Variants in NUDT17 observed in about 807,000 individuals in gnomAD.
The protein encoded by NUDT17 is nudix hydrolase 17, also known as m7GpppN-mRNA hydrolase NUDT17.
Under a neutral mutation model 38.6 loss-of-function variants are expected in NUDT17, and 38 were observed. The observed-to-expected ratio is 0.98, with a 90% CI of 0.76 to 1.29. The LOEUF (loss-of-function observed/expected upper bound fraction) is 1.29, where lower values mean the gene tolerates loss of function less well. Ranked by LOEUF, NUDT17 falls within the 50% of genes most tolerant of loss-of-function variation. The pLI, the probability that NUDT17 is intolerant of heterozygous loss-of-function variation, is 0.00. For missense variants in NUDT17, 462 were observed against 415.2 expected (o/e 1.11, Z -0.98); for synonymous variants, 192 against 167.8 (o/e 1.14, Z -1.11).
chr1:145,846,469 A>G lies in NUDT17; in HGVS notation c.402+11A>G, dbSNP rs1553732520. The G allele has an allele frequency of 6.2e-7, 1 of 1,613,030 alleles. No homozygotes were observed. Among genetic ancestry groups the G allele is most frequent in the Admixed American group, 1.7e-5 (1 of 59,986 alleles). On this transcript the variant is annotated intron_variant, in intron 3 of 7. Transcript: ENST00000334513. ...GAACTTGAGGAGGAGGTAACCAGTC[A>G]GCTGATCCAACCTGAGCCAAGAGAC...
Position 145,845,845 on chromosome 1 carries a change from G to C in NUDT17, c.192+13G>C, listed in dbSNP as rs1553732193. On this transcript the variant is annotated intron_variant, in intron 1 of 7. Coordinates refer to ENST00000334513, the MANE Select transcript of NUDT17 (RefSeq NM_001012758.3). ...GCTTCCGCTCCAGGTCGGCAGAAGGGGGCCCCAGAGCGGGGGCAGTGAAGG... is the reference window on the plus strand; with the variant it reads ...GCTTCCGCTCCAGGTCGGCAGAAGGCGGCCCCAGAGCGGGGGCAGTGAAGG... The C allele has an allele frequency of 6.3e-7, 1 of 1,578,988 alleles. No individual in the cohort carries two copies. Among genetic ancestry groups the C allele is most frequent in the Non-Finnish European group, 8.6e-7 (1 of 1,162,428 alleles).
chr1:145,847,509 G>A (rs940347389), intron 5 of NUDT17, 74 bp from the exon 6 acceptor site: 12 of 1,579,676 alleles, frequency 7.6e-6, no homozygotes, highest in Non-Finnish European at 9.5e-6. Context: ...CATGAAACCT[G>A]CGGGTAGGTT....
rs781999110 is a variant in NUDT17, at chr1:145,847,715, G to A, written c.727G>A (p.Val243Ile). Residue 243 changes from valine (V) to isoleucine (I), a missense_variant, in exon 6 of 8, where the codon GTC becomes ATC. Coordinates refer to ENST00000334513, the MANE Select transcript of NUDT17 (RefSeq NM_001012758.3). Reference sequence around the variant, plus strand: ...TCTCCCCCAGGACCTACCACCCTCTGTCCTGTAAGTAAGAGCTTCTCCCTC... The same window carrying A: ...TCTCCCCCAGGACCTACCACCCTCTATCCTGTAAGTAAGAGCTTCTCCCTC... ...GLLPQDLPPSVLAVELEEDGR... is the reference protein window; with the variant it reads ...GLLPQDLPPSILAVELEEDGR... 3.7e-6 allele frequency: 6 copies of A among 1,613,982 alleles called. No individual in the cohort carries two copies. Among genetic ancestry groups the A allele is most frequent in the Non-Finnish European group, 5.1e-6 (6 of 1,179,994 alleles).
At position 145,845,678 on chromosome 1, in the gene NUDT17, G is replaced by C; in HGVS notation, c.38G>C (p.Arg13Pro). The C allele has an allele frequency of 1.3e-6, 2 of 1,536,318 alleles. No individual in the cohort carries two copies. Among genetic ancestry groups the C allele is most frequent in the Non-Finnish European group, 1.8e-6 (2 of 1,135,948 alleles). The change falls in exon 1 of 8, where the codon CGT becomes CCT. Residue 13 changes from arginine (R) to proline (P), a missense_variant. Coordinates refer to ENST00000334513, the MANE Select transcript of NUDT17 (RefSeq NM_001012758.3). ...CGGGTGCAGCTGCTCCTGTCCCGGC[G>C]TCCGGAGTCGGTGAGCTTCGCACGG... ...EVRVQLLLSR[R>P]PESVSFARSV...
chr1:145,847,349 G>A lies in NUDT17; in HGVS notation c.594+1G>A, dbSNP rs1257828569. The A allele has an allele frequency of 4.4e-6, 7 of 1,577,050 alleles. No individual in the cohort carries two copies. In the Middle Eastern group the frequency reaches 6.8e-4, roughly 154 times the overall value. ...CCAGGAATCACAGCAGCAGTTGCAG[G>A]TAGGGCTGGCAGTGAGGGAAGGAAA... On this transcript the variant is annotated splice_donor_variant, in intron 5 of 7. Transcript: ENST00000334513. LOFTEE classifies it high-confidence loss of function.
chr1:145,847,012 C>T (rs1039195761), intron 4 of NUDT17, among the ~76,000 whole-genome samples: 24 of 152,102 alleles, frequency 1.6e-4, no homozygotes, highest in Non-Finnish European at 2.9e-5. Context: ...GACAACATGG[C>T]GAAACCCCGT....
intron 6 of NUDT17, 122 bp from the exon 7 acceptor site, chr1:145,847,990 T>C: frequency 8.6e-7 from 1 of 1,161,712 alleles, no homozygotes; most frequent in South Asian, 1.4e-5. Flanking sequence ...GTTTCCTTTC[T>C]GCAAATGAGG....
At position 145,847,412 on chromosome 1, in the gene NUDT17, G is replaced by A. The variant is rs587697691; in HGVS notation, c.594+64G>A. The A allele has an allele frequency of 1.6e-4, 182 of 1,107,480 alleles. 1 individual carries two copies. The African/African-American group carries it at 2.4e-3, about 14-fold the overall frequency. 68.6% of individuals were successfully genotyped at this position (1,107,480 alleles called of 1,614,324 possible). A position where few individuals can be genotyped will look rare whatever the true frequency, so the allele number is the denominator to read the frequency against. ...GAGCCCAAGCAACCTGGTTCTGACTGTGATTAGGAGCTGGGCGGGGGTGGC... is the reference window on the plus strand; with the variant it reads ...GAGCCCAAGCAACCTGGTTCTGACTATGATTAGGAGCTGGGCGGGGGTGGC... On this transcript the variant is annotated intron_variant, in intron 5 of 7. Transcript: ENST00000334513.
chr1:145,847,209 AGTG>A, intron 4 of NUDT17, 38 bp from the exon 5 acceptor site: 1 of 1,172,128 alleles, frequency 8.5e-7, no homozygotes. Flanking sequence ...AAAAAAAAAA[AGTG>A]ACGGAAAGTT....
chr1:145,847,355 C>G lies in NUDT17; in HGVS notation c.594+7C>G, dbSNP rs782640952. On this transcript the variant is annotated splice_region_variant and intron_variant, in intron 5 of 7. Transcript: ENST00000334513. ...ATCACAGCAGCAGTTGCAGGTAGGG[C>G]TGGCAGTGAGGGAAGGAAACAGGGC... The G allele has an allele frequency of 6.4e-7, 1 of 1,561,932 alleles. No homozygotes were observed. Among genetic ancestry groups the G allele is most frequent in the South Asian group, 1.1e-5 (1 of 89,058 alleles).
intron 7 of NUDT17, 39 bp downstream of exon 7, chr1:145,848,303 G>A (rs1652811751): frequency 1.2e-6 from 2 of 1,613,394 alleles, no homozygotes; most frequent in South Asian, 1.1e-5. Flanking sequence ...CACAGTACTG[G>A]GCTGGAATGG....
Position 145,846,676 on chromosome 1 carries a change from C to G in NUDT17, c.481C>G (p.Leu161Val), listed in dbSNP as rs1652703154. ...CCAGGGCCAGTTCTCTTGGGTCCCT[C>G]TGGGTTTATGGGAGGTGAGACAAGT... The part of the protein sequence containing the change: ...LPQGQFSWVP[L>V]GLWESAYPPR... Residue 161 changes from leucine (L) to valine (V), a missense_variant, in exon 4 of 8, where the codon CTG (leucine) becomes GTG (valine). Coordinates refer to ENST00000334513, the MANE Select transcript of NUDT17 (RefSeq NM_001012758.3). 2 of 1,612,882 alleles carry G rather than the reference C, an allele frequency of 1.2e-6. No individual in the cohort carries two copies. The highest frequency in any genetic ancestry group is 1.3e-5 in the African/African-American group (1 of 74,898).
chr1:145,846,534 G>A, intron 3 of NUDT17, 64 bp from the exon 4 acceptor site: 1 of 1,601,164 alleles, frequency 6.2e-7, no homozygotes, highest in Non-Finnish European at 8.6e-7. Context: ...TGAGGGAGAG[G>A]CAAGCAAAAG....
intron 4 of NUDT17, 27 bp from the exon 5 acceptor site, chr1:145,847,223 C>A: frequency 7.9e-7 from 1 of 1,266,752 alleles, no homozygotes; most frequent in Non-Finnish European, 1.1e-6. Context: ...ACGGAAAGTT[C>A]TCACTTTTGC....
rs782818895 is a variant in NUDT17, at chr1:145,846,025, T to G, written c.205T>G (p.Cys69Gly). The G allele has an allele frequency of 1.6e-5, 26 of 1,602,576 alleles. No homozygotes were observed. In the South Asian group the frequency reaches 2.7e-4, roughly 17 times the overall value. ...TTCCTTCTGCCAGCGACCCCCTTTCTGCCCTTTTGCGGCCCTGGAGGAGCG... is the reference window on the plus strand; with the variant it reads ...TTCCTTCTGCCAGCGACCCCCTTTCGGCCCTTTTGCGGCCCTGGAGGAGCG... ...ARLPLQRPPFCPFAALEERPR... is the reference protein window; with the variant it reads ...ARLPLQRPPFGPFAALEERPR... The change falls in exon 2 of 8, where the codon TGC becomes GGC. Residue 69 changes from cysteine to glycine, a missense_variant. Cys to Gly is a radical substitution (Grantham distance 159). Coordinates refer to ENST00000334513, the MANE Select transcript of NUDT17 (RefSeq NM_001012758.3).
chr1:145,845,929 C>T (rs1652631253), intron 1 of NUDT17, 84 bp from the exon 2 acceptor site: 1 of 1,525,024 alleles, frequency 6.6e-7, no homozygotes, highest in Non-Finnish European at 8.9e-7. Context: ...GCCCCCAACG[C>T]GCGGTGTAGC....
At position 145,845,711 on chromosome 1, in the gene NUDT17, G is replaced by A; in HGVS notation, c.71G>A (p.Cys24Tyr). The change falls in exon 1 of 8, where the codon TGT becomes TAT. Residue 24 changes from cysteine to tyrosine, a missense_variant. Coordinates refer to ENST00000334513, the MANE Select transcript of NUDT17 (RefSeq NM_001012758.3). Reference sequence around the variant, plus strand: ...TCGGTGAGCTTCGCACGGAGTGTGTGTGGCCTCCTGGGAGCCGGACCAGGG... The same window carrying A: ...TCGGTGAGCTTCGCACGGAGTGTGTATGGCCTCCTGGGAGCCGGACCAGGG... ...PESVSFARSV[C>Y]GLLGAGPGLG... 1 of 1,553,734 alleles carries A rather than the reference G, an allele frequency of 6.4e-7. No individual in the cohort carries two copies. Among genetic ancestry groups the A allele is most frequent in the African/African-American group, 1.4e-5 (1 of 73,416 alleles).
rs976320838 is a variant in NUDT17 at position 145,846,775 on chromosome 1, G to A, written c.495+85G>A. 71 of 931,932 alleles carry A rather than the reference G, an allele frequency of 7.6e-5. 4 individuals carry two copies. In the South Asian group the frequency reaches 9.5e-4, roughly 12 times the overall value. The allele number at this position is 931,932 out of a possible 1,614,324, so 57.7% of individuals were successfully genotyped here. A position where few individuals can be genotyped will look rare whatever the true frequency, so the allele number is the denominator to read the frequency against. ...AAGGGAAACAATAGCACATAAGTGGGCTGGAATCCCCAAATCCATAACCCT... is the reference window on the plus strand; with the variant it reads ...AAGGGAAACAATAGCACATAAGTGGACTGGAATCCCCAAATCCATAACCCT... On this transcript the variant is annotated intron_variant, in intron 4 of 7. Coordinates refer to ENST00000334513, the MANE Select transcript of NUDT17 (RefSeq NM_001012758.3).
rs1553733280 is a variant in NUDT17, at chr1:145,848,418, G to C, written c.926G>C (p.Gly309Ala). 2 of 1,614,102 alleles carry C rather than the reference G, an allele frequency of 1.2e-6. No individual in the cohort carries two copies. Among genetic ancestry groups the C allele is most frequent in the Admixed American group, 1.7e-5 (1 of 60,012 alleles). The stretch of plus-strand genomic sequence containing the variant: ...AAAAGTGCAGCTTACCTGGACCCAG[G>C]GCCAGCAAAGGAAGAATGGAACATG... ...PCKSAAYLDP[G>A]PAKEEWNMDP... Residue 309 changes from glycine (G) to alanine (A), a missense_variant, in exon 8 of 8, where the codon GGG (glycine) becomes GCG (alanine). Coordinates refer to ENST00000334513, the MANE Select transcript of NUDT17 (RefSeq NM_001012758.3).
Sources: allele counts gnomAD v4.1 joint callset (sites outside exome capture counted in the v4.1 genomes callset), GRCh38; gene constraint gnomAD v4.1.1; transcripts MANE v1.5; gene names NCBI Gene and HGNC (gene_info 2026-07-23, HGNC 2026-07-21).